POP1: variants seen among roughly 807,000 people sequenced by gnomAD.
The protein encoded by POP1 is POP1 ribonuclease P/MRP subunit.
Under a neutral mutation model 102.2 loss-of-function variants are expected in POP1, and 75 were observed. The ratio of observed to expected loss-of-function variants is 0.73; its 90% confidence interval spans 0.61 to 0.89. POP1 has a LOEUF of 0.89. Among genes scored for constraint, POP1 ranks in the 40% least tolerant of loss-of-function variants. The pLI is 0.00. For synonymous variants in POP1, 436 were observed against 464.1 expected (o/e 0.94, Z 0.78); for missense variants, 1,116 against 1,267.4 (o/e 0.88, Z 1.81).
chr8:98,131,662 A>T (rs907301592), intron 5 of POP1, among the ~76,000 whole-genome samples: 2 of 102,868 alleles, frequency 1.9e-5, no homozygotes, highest in Non-Finnish European at 4.6e-5. Context: ...TGTTAATTTT[A>T]TGTTTAATTT....
At position 98,140,092 on chromosome 8, in the gene POP1, A is replaced by T; in HGVS notation, c.1377A>T (p.Thr459=). 6.2e-7 allele frequency: 1 copy of T among 1,613,970 alleles called. No individual in the cohort carries two copies. Among genetic ancestry groups the T allele is most frequent in the Admixed American group, 1.7e-5 (1 of 60,010 alleles). ...AASVHTVGED[T]EETPHRWWIE... The stretch of plus-strand genomic sequence containing the variant: ...TTATTTTTCAGGTGGGAGAGGACAC[A>T]GAGGAGACACCTCACCGCTGGTGGA... The change falls in exon 10 of 16, where the codon ACA becomes ACT. Residue 459 remains threonine (T), a synonymous_variant. Coordinates refer to ENST00000401707, the MANE Select transcript of POP1 (RefSeq NM_001145860.2).
chr8:98,136,724 A>G lies in POP1; in HGVS notation c.1254A>G (p.Thr418=), dbSNP rs375402913. 1.5e-5 allele frequency: 24 copies of G among 1,613,906 alleles called. No individual in the cohort carries two copies. The highest frequency in any genetic ancestry group is 1.9e-5 in the Non-Finnish European group (23 of 1,179,868). ...CATACTCTTGGATCTCTCCAACCAC[A>G]GGCATTATAATCAGGTATGAGTTGA... ...CLPYSWISPT[T]GIIISDLTME... is the part of the protein sequence containing the mutation. Residue 418 remains threonine, a synonymous_variant, in exon 8 of 16, where the codon ACA becomes ACG. Transcript: ENST00000401707.
At chr8:98,134,088 T>G (rs1466298974) in intron 6 of POP1, 52 bp downstream of exon 6, 3 of 1,362,754 alleles carry the variant, frequency 2.2e-6, no homozygotes, top group Non-Finnish European at 3.2e-6. Flanking sequence ...TATTTATTCA[T>G]TTCATAAAGA....
intron 9 of POP1, among the ~76,000 whole-genome samples, chr8:98,138,313 C>T (rs1816607420): frequency 1.4e-5 from 1 of 73,988 alleles, no homozygotes; most frequent in African/African-American, 6.9e-5. Flanking sequence ...GGCCTCATTT[C>T]TCCTCACCCT....
In POP1 at chr8:98,130,223, G is replaced by T; in HGVS notation, c.732G>T (p.Leu244=). 1 of 1,614,182 alleles carries T rather than the reference G, an allele frequency of 6.2e-7. No individual in the cohort carries two copies. Among genetic ancestry groups the T allele is most frequent in the South Asian group, 1.1e-5 (1 of 91,086 alleles). The part of the protein sequence containing the change: ...CYRAMTNRCL[L]QDLSYYCCLE... The stretch of plus-strand genomic sequence containing the variant: ...GAGCCATGACGAACCGGTGCCTCCT[G>T]CAGGTGAGCTTTTCCAGTGGGCTTT... Residue 244 remains leucine, a synonymous_variant, in exon 5 of 16, where the codon CTG becomes CTT. Coordinates refer to ENST00000401707, the MANE Select transcript of POP1 (RefSeq NM_001145860.2).
At position 98,159,095 on chromosome 8, in the gene POP1, T is replaced by C. The variant is rs1016222694; in HGVS notation, c.*824T>C. 3 of 152,192 alleles carry C rather than the reference T, an allele frequency of 2.0e-5. No individual in the cohort carries two copies. The highest frequency in any genetic ancestry group is 4.8e-5 in the African/African-American group (2 of 41,448). 9.4% of individuals were successfully genotyped at this position (152,192 alleles called of 1,614,324 possible). ...GTTGATATGGAAACTCTAGGTTAAA[T>C]AAAGTTAAGCATTTCTTTATGAAAG... On this transcript the variant is annotated 3_prime_UTR_variant, in exon 16 of 16. Coordinates refer to ENST00000401707, the MANE Select transcript of POP1 (RefSeq NM_001145860.2).
At chr8:98,127,323 A>G (rs1227075579) in intron 2 of POP1, among the ~76,000 whole-genome samples, 1 of 152,160 alleles carries the variant, frequency 6.6e-6, no homozygotes, top group African/African-American at 2.4e-5. Context: ...TTTATAGGAG[A>G]AAATTTCACC....
chr8:98,124,235 A>G (rs13281146), intron 2 of POP1, among the ~76,000 whole-genome samples: 65,912 of 152,012 alleles, frequency 0.43, 14,586 homozygotes, highest in Middle Eastern at 0.54. Flanking sequence ...AAAGGAAATA[A>G]ACTCTACCAG....
chr8:98,143,589 G>A (rs563083509), intron 11 of POP1, among the ~76,000 whole-genome samples: 3 of 152,056 alleles, frequency 2.0e-5, no homozygotes, highest in African/African-American at 7.2e-5. Context: ...TTGTATTAAG[G>A]TCCACTCTTG....
chr8:98,134,746 G>C (rs1006962983), intron 7 of POP1, 87 bp downstream of exon 7: 1 of 1,360,708 alleles, frequency 7.3e-7, no homozygotes, highest in Admixed American at 1.7e-5. Flanking sequence ...TGTAAATAGT[G>C]TAAAGGTTTG....
intron 1 of POP1, among the ~76,000 whole-genome samples, chr8:98,121,565 A>C (rs907710128): frequency 7.7e-6 from 1 of 129,640 alleles, no homozygotes; most frequent in Non-Finnish European, 1.5e-5. Context: ...CCCAACTTGG[A>C]GTGCAGTGGT....
chr8:98,138,461 C>G (rs1384134526), intron 9 of POP1, among the ~76,000 whole-genome samples: 1 of 152,202 alleles, frequency 6.6e-6, no homozygotes, highest in Non-Finnish European at 1.5e-5. Context: ...CTGAACCTTC[C>G]TCATTCTTCA....
chr8:98,150,702 T>C, intron 14 of POP1, 63 bp downstream of exon 14: 1 of 1,507,418 alleles, frequency 6.6e-7, no homozygotes, highest in East Asian at 2.3e-5. Context: ...CTGCTTATAT[T>C]GGTATCCCAA....
At chr8:98,124,273 A>G (rs1312873071) in intron 2 of POP1, among the ~76,000 whole-genome samples, 1 of 151,998 alleles carries the variant, frequency 6.6e-6, no homozygotes, top group Non-Finnish European at 1.5e-5. Context: ...ATTTAAGATT[A>G]TAATATGGCC....
In POP1 at chr8:98,158,575, CTTT is replaced by C; in HGVS notation, c.*309_*311del. The C allele has an allele frequency of 3.3e-6, 1 of 305,136 alleles. No homozygotes were observed. Among genetic ancestry groups the C allele is most frequent in the East Asian group, 8.2e-5 (1 of 12,232 alleles). 18.9% of individuals were successfully genotyped at this position (305,136 alleles called of 1,614,324 possible). A position where few individuals can be genotyped will look rare whatever the true frequency, so the allele number is the denominator to read the frequency against. On this transcript the variant is annotated 3_prime_UTR_variant, in exon 16 of 16. Transcript: ENST00000401707. ...GAGAAGCTCTACGAGTTATCATCCCCTTTTTTTGTTAGAAACAAAGGGCTTGTC... is the reference window on the plus strand; with the variant it reads ...GAGAAGCTCTACGAGTTATCATCCCCTTTTGTTAGAAACAAAGGGCTTGTC...
At chr8:98,129,512 A>G (rs181168590) in intron 4 of POP1, among the ~76,000 whole-genome samples, 2 of 152,348 alleles carry the variant, frequency 1.3e-5, no homozygotes, top group Admixed American at 1.3e-4. Context: ...CAGCATGTGT[A>G]TGTCTGTAGC....
rs1327099888 is a variant in POP1, at chr8:98,155,910, TGTG to T, written c.2058-139_2058-137del. 2.9e-5 allele frequency: 4 copies of T among 139,082 alleles called. No homozygotes were observed. The East Asian group carries it at 5.5e-4, about 19-fold the overall frequency. 8.6% of individuals were successfully genotyped at this position (139,082 alleles called of 1,614,324 possible). A position where few individuals can be genotyped will look rare whatever the true frequency, so the allele number is the denominator to read the frequency against. ...TATCATATGTTTCTTGGAAAGCTTT[TGTG>T]TGTGTGTGTGTGTGTGTGTGTGTGT... On this transcript the variant is annotated intron_variant, in intron 14 of 15. Coordinates refer to ENST00000401707, the MANE Select transcript of POP1 (RefSeq NM_001145860.2).
At chr8:98,139,103 G>T (rs375672806) in intron 9 of POP1, among the ~76,000 whole-genome samples, 1 of 152,020 alleles carries the variant, frequency 6.6e-6, no homozygotes, top group African/African-American at 2.4e-5. Flanking sequence ...CGCCTGCCTC[G>T]GCCTACCAAA....
At chr8:98,155,530 G>A (rs1019625563) in intron 14 of POP1, among the ~76,000 whole-genome samples, 2 of 150,914 alleles carry the variant, frequency 1.3e-5, no homozygotes, top group Admixed American at 1.3e-4. Context: ...TGATCCATCC[G>A]CCTGGGCCTC....
Sources: allele counts gnomAD v4.1 joint callset (sites outside exome capture counted in the v4.1 genomes callset), GRCh38; gene constraint gnomAD v4.1.1; transcripts MANE v1.5; gene names NCBI Gene and HGNC (gene_info 2026-07-23, HGNC 2026-07-21).